CDKL5: variants seen among roughly 807,000 people sequenced by gnomAD.
CDKL5 encodes the protein cyclin-dependent kinase-like 5.
CDKL5 carries 8 observed loss-of-function variants against 61.7 expected under a neutral mutation model. The observed-to-expected ratio is 0.13, with a 90% CI of 0.08 to 0.23. The LOEUF is 0.23. Ranked by LOEUF, CDKL5 falls within the 10% of genes least tolerant of loss-of-function variation. The probability of loss-of-function intolerance (pLI) is 1.00; values close to 1 mark genes in which losing one functional copy is unlikely to be tolerated. For missense variants in CDKL5, 440 were observed against 734.5 expected (o/e 0.60, Z 4.63); for synonymous variants, 275 against 272.3 (o/e 1.01, Z -0.10).
At position 18,613,172 on chromosome X, in the gene CDKL5, A is replaced by C; in HGVS notation, c.2173A>C (p.Asn725His). The C allele has an allele frequency of 8.3e-7, 1 of 1,199,582 alleles. No homozygotes were observed. Among genetic ancestry groups the C allele is most frequent in the Non-Finnish European group, 1.1e-6 (1 of 887,361 alleles). The change falls in exon 15 of 18, where the codon AAT (asparagine) becomes CAT (histidine). Residue 725 changes from asparagine (N) to histidine (H), a missense_variant. Physicochemically the swap from Asn to His is moderately conservative, Grantham distance 68. Coordinates refer to ENST00000623535, the MANE Select transcript of CDKL5 (RefSeq NM_001323289.2). Reference protein sequence around the residue: ...FYRVPSPRPDNSFHENNVSTR... With the variant: ...FYRVPSPRPDHSFHENNVSTR... ...TTCAGTGCCATCTCCACGTCCAGAC[A>C]ATTCTTTCCATGAAAATAATGTGTC...
chrX:18,437,238 G>C (rs1486111743), intron 1 of CDKL5, among the ~76,000 whole-genome samples: 1 of 111,711 alleles, frequency 9.0e-6, no homozygotes, highest in African/African-American at 3.2e-5. Context: ...ATTGTCGTCT[G>C]CGGTACTCCT....
chrX:18,494,936 A>C (rs1213379440), intron 1 of CDKL5, among the ~76,000 whole-genome samples: 4 of 111,952 alleles, frequency 3.6e-5, no homozygotes, highest in Non-Finnish European at 5.6e-5. Context: ...AAAGAAAACT[A>C]AGTAGGAGTG....
intron 3 of CDKL5, among the ~76,000 whole-genome samples, chrX:18,533,497 A>G: frequency 9.0e-6 from 1 of 111,723 alleles, no homozygotes; most frequent in Non-Finnish European, 1.9e-5. Flanking sequence ...ACAAGAATGA[A>G]CACAATGTAT....
rs1240979367 is a variant in CDKL5, at chrX:18,633,411, C to T, written c.*4654C>T. The T allele has an allele frequency of 2.7e-6, 2 of 752,508 alleles. No individual in the cohort carries two copies. The highest frequency in any genetic ancestry group is 4.6e-5 in the African/African-American group (2 of 43,281). 62.0% of individuals were successfully genotyped at this position (752,508 alleles called of 1,213,427 possible). A position where few individuals can be genotyped will look rare whatever the true frequency, so the allele number is the denominator to read the frequency against. The stretch of plus-strand genomic sequence containing the variant: ...GTTGTAAGTGTCCTGTCGCTAATTC[C>T]CAGGGCCAGAATCTCACAAGAAGAT... On this transcript the variant is annotated 3_prime_UTR_variant, in exon 18 of 18. Transcript: ENST00000623535.
chrX:18,643,352 T>G (rs976634969), downstream of CDKL5, among the ~76,000 whole-genome samples: 1 of 111,138 alleles, frequency 9.0e-6, no homozygotes. Context: ...TTCTTGCCTT[T>G]CTCCGCAGTG....
chrX:18,434,638 G>A (rs924052662), intron 1 of CDKL5, among the ~76,000 whole-genome samples: 1 of 112,044 alleles, frequency 8.9e-6, no homozygotes, highest in African/African-American at 3.2e-5. Context: ...TGTGTATTTT[G>A]TATTATGGGC....
At chrX:18,426,893 C>G (rs908474738) in intron 1 of CDKL5, 2 of 112,124 alleles carry the variant, frequency 1.8e-5, no homozygotes, top group African/African-American at 3.2e-5. Context: ...AAAAAGACAT[C>G]TTCACCGAGG....
intron 4 of CDKL5, among the ~76,000 whole-genome samples, chrX:18,571,779 C>T (rs918846467): frequency 5.4e-5 from 6 of 111,307 alleles, no homozygotes; most frequent in African/African-American, 2.0e-4. Flanking sequence ...GCCCATTTTG[C>T]TTGAATTTAG....
At chrX:18,537,678 A>T (rs148826662) in intron 3 of CDKL5, among the ~76,000 whole-genome samples, 1,385 of 111,428 alleles carry the variant, frequency 0.012, 11 homozygotes, top group Middle Eastern at 0.023. Flanking sequence ...CCTCTTTCTA[A>T]CCCCTGGCAA....
intron 3 of CDKL5, among the ~76,000 whole-genome samples, chrX:18,525,732 A>G (rs1427911248): frequency 9.5e-6 from 1 of 105,793 alleles, no homozygotes; most frequent in Non-Finnish European, 1.9e-5. Flanking sequence ...TGACATCTTA[A>G]CAATATTGAG....
chrX:18,590,425 G>A (rs941584714), intron 9 of CDKL5, among the ~76,000 whole-genome samples: 8 of 111,937 alleles, frequency 7.1e-5, no homozygotes, highest in African/African-American at 2.6e-4. Flanking sequence ...CATTTACAAA[G>A]CACTTTGTTT....
chrX:18,603,578 A>G (rs1214334432), intron 11 of CDKL5, among the ~76,000 whole-genome samples: 2 of 112,634 alleles, frequency 1.8e-5, no homozygotes, highest in Middle Eastern at 4.6e-3. Context: ...CAGTCATTCT[A>G]TCACAAACAC....
At chrX:18,447,449 A>G (rs184493662) in intron 1 of CDKL5, among the ~76,000 whole-genome samples, 1 of 111,702 alleles carries the variant, frequency 9.0e-6, no homozygotes, top group Non-Finnish European at 1.9e-5. Flanking sequence ...TCACTCTTCA[A>G]ATTTTAGCTG....
chrX:18,518,436 C>T (rs767802755), intron 3 of CDKL5, among the ~76,000 whole-genome samples: 7 of 59,780 alleles, frequency 1.2e-4, no homozygotes, highest in East Asian at 6.2e-4. Context: ...GACAGAGTCT[C>T]GCTCTGTCGC....
chrX:18,569,620 G>A (rs1473540290), intron 4 of CDKL5, among the ~76,000 whole-genome samples: 3 of 112,084 alleles, frequency 2.7e-5, no homozygotes, highest in African/African-American at 9.7e-5. Context: ...TAACCCAAGA[G>A]CGCTGATTTA....
At chrX:18,619,689 C>T (rs1458494927) in intron 15 of CDKL5, among the ~76,000 whole-genome samples, 178 bp from the exon 16 acceptor site, 1 of 111,850 alleles carries the variant, frequency 8.9e-6, no homozygotes, top group African/African-American at 3.3e-5. Context: ...TAATCACTAA[C>T]CATGGTTGAT....
chrX:18,502,330 T>G lies in CDKL5; in HGVS notation c.-162-4605T>G, dbSNP rs1310677133. Among the ~76,000 whole-genome samples the G allele has an allele frequency of 1.1e-4, 12 of 112,442 alleles. No individual in the cohort carries two copies. In the Admixed American group the frequency reaches 1.1e-3, roughly 11 times the overall value. ...GTCAGTAATTATTTGCTTAATGAAT[T>G]AATAAATATTTCATCTCAAATTGTG... On this transcript the variant is annotated intron_variant, in intron 1 of 17. Coordinates refer to ENST00000623535, the MANE Select transcript of CDKL5 (RefSeq NM_001323289.2).
intron 3 of CDKL5, among the ~76,000 whole-genome samples, chrX:18,528,871 A>G (rs1318202046): frequency 9.0e-6 from 1 of 111,038 alleles, no homozygotes; most frequent in African/African-American, 3.3e-5. Flanking sequence ...CTGGGCCTCA[A>G]GTGATCCTCC....
chrX:18,630,455 A>G lies in CDKL5; in HGVS notation c.*1698A>G, dbSNP rs1314929367. ...TTCTCAGTATTTATTACTTGTCCTC[A>G]AATTCTGAGTGTCAGCCCCTGCATC... On this transcript the variant is annotated 3_prime_UTR_variant, in exon 18 of 18. Coordinates refer to ENST00000623535, the MANE Select transcript of CDKL5 (RefSeq NM_001323289.2). 1 of 753,360 alleles carries G rather than the reference A, an allele frequency of 1.3e-6. No homozygotes were observed. The highest frequency in any genetic ancestry group is 1.6e-6 in the Non-Finnish European group (1 of 639,094). The allele number at this position is 753,360 out of a possible 1,213,427, so 62.1% of individuals were successfully genotyped here.
Sources: gnomAD v4.1 joint callset for allele counts (sites outside exome capture counted in the v4.1 genomes callset) on GRCh38, gnomAD v4.1.1 for gene constraint, MANE v1.5 for transcripts, NCBI Gene and HGNC (gene_info 2026-07-23, HGNC 2026-07-21) for gene names.